Variants in LRRTM3 observed in about 807,000 individuals in gnomAD.
LRRTM3 encodes the protein leucine rich repeat transmembrane neuronal 3.
In LRRTM3, 24 loss-of-function variants were observed where a neutral mutation model predicts 44.7. That is an observed-to-expected ratio of 0.54 (90% CI 0.39 to 0.76). The LOEUF (loss-of-function observed/expected upper bound fraction) is 0.76. Among genes scored for constraint, LRRTM3 ranks in the 30% least tolerant of loss-of-function variants. The pLI is 0.00. For missense variants in LRRTM3, 587 were observed against 702.2 expected (o/e 0.84, Z 1.85); for synonymous variants, 277 against 278.7 (o/e 0.99, Z 0.06).
chr10:67,088,366 G>C (rs1857426054), intron 2 of LRRTM3, among the ~76,000 whole-genome samples: 1 of 151,752 alleles, frequency 6.6e-6, no homozygotes, highest in African/African-American at 2.4e-5. Context: ...TAAAAACAAT[G>C]CATATAGCCA....
intron 2 of LRRTM3, among the ~76,000 whole-genome samples, chr10:67,052,387 T>C (rs140466616): frequency 6.6e-6 from 1 of 151,554 alleles, no homozygotes; most frequent in African/African-American, 2.4e-5. Context: ...TGCCTTACTG[T>C]CTATTCCATG....
chr10:67,073,265 T>C (rs1856562398), intron 2 of LRRTM3, among the ~76,000 whole-genome samples: 1 of 152,220 alleles, frequency 6.6e-6, no homozygotes, highest in Non-Finnish European at 1.5e-5. Context: ...ATAGCTCTGA[T>C]TAGTTTTTAA....
At chr10:66,930,087 T>C (rs1475740069) in intron 2 of LRRTM3, among the ~76,000 whole-genome samples, 7 of 152,222 alleles carry the variant, frequency 4.6e-5, no homozygotes, top group South Asian at 4.1e-4. Flanking sequence ...GTTTTTCATA[T>C]GCTGAGAGGA....
chr10:67,097,379 G>A (rs566807513), intron 2 of LRRTM3, among the ~76,000 whole-genome samples: 1 of 151,904 alleles, frequency 6.6e-6, no homozygotes, highest in Non-Finnish European at 1.5e-5. Flanking sequence ...AAAGAATTAA[G>A]CAGTTTCATC....
chr10:66,950,919 T>C (rs1589477010), intron 2 of LRRTM3, among the ~76,000 whole-genome samples: 1 of 152,214 alleles, frequency 6.6e-6, no homozygotes, highest in African/African-American at 2.4e-5. Context: ...GAATTTGAAT[T>C]CTGATCTGTC....
intron 2 of LRRTM3, among the ~76,000 whole-genome samples, chr10:67,043,519 T>C (rs1429539668): frequency 1.3e-5 from 2 of 152,196 alleles, no homozygotes; most frequent in Non-Finnish European, 2.9e-5. Context: ...ATAGGGTTTA[T>C]TTCAATGATT....
chr10:66,929,845 T>G (rs1847273029), intron 2 of LRRTM3, among the ~76,000 whole-genome samples: 1 of 152,166 alleles, frequency 6.6e-6, no homozygotes, highest in Non-Finnish European at 1.5e-5. Flanking sequence ...CCACAGTCAA[T>G]TAAGGTTTTT....
At chr10:67,080,940 A>G (rs1454609808) in intron 2 of LRRTM3, among the ~76,000 whole-genome samples, 24 of 145,074 alleles carry the variant, frequency 1.7e-4, no homozygotes, top group African/African-American at 6.0e-4. Flanking sequence ...AAACAACAAA[A>G]AAAAAAAAAC....
At position 67,006,673 on chromosome 10, in the gene LRRTM3, T is replaced by C. The variant is rs187649468; in HGVS notation, c.1536+78221T>C. ...TCATTTAAAACTTGAGTAATTATGATGCCATCAGCACACTATAAGATGTAA... is the reference window on the plus strand; with the variant it reads ...TCATTTAAAACTTGAGTAATTATGACGCCATCAGCACACTATAAGATGTAA... On this transcript the variant is annotated intron_variant, in intron 2 of 2. Transcript: ENST00000361320. Among the ~76,000 whole-genome samples the C allele has an allele frequency of 2.8e-3, 429 of 152,356 alleles. 1 individual carries two copies. Among genetic ancestry groups the C allele is most frequent in the Non-Finnish European group, 4.3e-3 (295 of 68,034 alleles).
chr10:67,099,134 A>G lies in LRRTM3; in HGVS notation c.*1338A>G, dbSNP rs563026524. 11 of 151,870 alleles carry G rather than the reference A, an allele frequency of 7.2e-5. No individual in the cohort carries two copies. In the South Asian group the frequency reaches 2.3e-3, roughly 31 times the overall value. The allele number at this position is 151,870 out of a possible 1,614,324, so 9.4% of individuals were successfully genotyped here. ...TCACCTCCAAATTATCAAAGAAATA[A>G]CTCAGAGTAATTTGACACCAGCCCA... On this transcript the variant is annotated 3_prime_UTR_variant, in exon 3 of 3. Transcript: ENST00000361320.
intron 2 of LRRTM3, among the ~76,000 whole-genome samples, chr10:67,085,730 A>G (rs773819532): frequency 6.6e-6 from 1 of 151,972 alleles, no homozygotes; most frequent in Non-Finnish European, 1.5e-5. Context: ...GTTATAATCT[A>G]TTCAGTTCCC....
rs74141797 is a variant in LRRTM3, at chr10:67,090,755, C to T, written c.1537-6832C>T. On this transcript the variant is annotated intron_variant, in intron 2 of 2. Coordinates refer to ENST00000361320, the MANE Select transcript of LRRTM3 (RefSeq NM_178011.5). ...TCCAGGCCACGCATCAACTGACAGA[C>T]GCAACAAATGCCCACAGCTTCTTCA... is the stretch of plus-strand genomic sequence containing the variant. Among the ~76,000 whole-genome samples the T allele has an allele frequency of 8.8e-3, 1,340 of 152,044 alleles. 17 individuals are homozygous for T. Among genetic ancestry groups the T allele is most frequent in the African/African-American group, 0.03 (1,241 of 41,480 alleles).
intron 2 of LRRTM3, among the ~76,000 whole-genome samples, chr10:66,986,607 A>T (rs930890444): frequency 3.3e-5 from 5 of 152,192 alleles, no homozygotes; most frequent in African/African-American, 1.2e-4. Flanking sequence ...TAGGAGAATG[A>T]TACAAAATGA....
chr10:67,053,460 G>T (rs902517093), intron 2 of LRRTM3, among the ~76,000 whole-genome samples: 9 of 152,256 alleles, frequency 5.9e-5, no homozygotes. Flanking sequence ...AAGAATTTTA[G>T]ATTATATTTG....
chr10:66,949,969 C>A (rs1313314768), intron 2 of LRRTM3, among the ~76,000 whole-genome samples: 1 of 152,172 alleles, frequency 6.6e-6, no homozygotes, highest in African/African-American at 2.4e-5. Flanking sequence ...TCAGAAAGTT[C>A]TAACATCTCC....
intron 2 of LRRTM3, among the ~76,000 whole-genome samples, chr10:66,999,144 TTTTA>T (rs1851536017): frequency 2.6e-5 from 4 of 152,280 alleles, no homozygotes; most frequent in South Asian, 4.1e-4. Context: ...TTTGTACTAC[TTTTA>T]TTTATCATTT....
At chr10:66,989,364 T>C (rs1850914225) in intron 2 of LRRTM3, among the ~76,000 whole-genome samples, 1 of 152,178 alleles carries the variant, frequency 6.6e-6, no homozygotes, top group Admixed American at 6.5e-5. Flanking sequence ...CAGAGGAAAA[T>C]TTATTGAAAA....
chr10:66,983,492 T>C (rs1850562438), intron 2 of LRRTM3, among the ~76,000 whole-genome samples: 1 of 152,164 alleles, frequency 6.6e-6, no homozygotes. Context: ...ACAGAAGGAC[T>C]GCATTTGTGA....
intron 2 of LRRTM3, among the ~76,000 whole-genome samples, chr10:66,982,648 G>T (rs1427888577): frequency 6.6e-6 from 1 of 152,124 alleles, no homozygotes; most frequent in Non-Finnish European, 1.5e-5. Flanking sequence ...AACCTTGTGA[G>T]GTTATATAAA....
Sources: gnomAD v4.1 joint callset for allele counts (sites outside exome capture counted in the v4.1 genomes callset) on GRCh38, gnomAD v4.1.1 for gene constraint, MANE v1.5 for transcripts, NCBI Gene and HGNC (gene_info 2026-07-23, HGNC 2026-07-21) for gene names.